The following GPR18 variants were observed in gnomAD, a reference collection of about 807,000 sequenced individuals.
GPR18 encodes N-arachidonyl glycine receptor.
A neutral mutation model predicts 22.8 loss-of-function variants in GPR18; 20 were observed. The observed-to-expected ratio is 0.88, with a 90% CI of 0.62 to 1.28. The LOEUF (loss-of-function observed/expected upper bound fraction) is 1.28. Ranked by LOEUF, GPR18 falls within the 50% of genes most tolerant of loss-of-function variation. The pLI is 0.00. For missense variants in GPR18, 379 were observed against 412.0 expected (o/e 0.92, Z 0.69); for synonymous variants, 160 against 155.3 (o/e 1.03, Z -0.22).
chr13:99,254,739 TAA>T lies in GPR18; in HGVS notation c.*136_*137del. On this transcript the variant is annotated 3_prime_UTR_variant, in exon 2 of 2. Transcript: ENST00000397470. ...GAATAATTCACAAAAATGTTTTATA[TAA>T]GTTTTTAAAATGAAGATAATGAATT... 1 of 671,902 alleles carries T rather than the reference TAA, an allele frequency of 1.5e-6. No homozygotes were observed. The highest frequency in any genetic ancestry group is 2.3e-5 in the South Asian group (1 of 43,686). The allele number at this position is 671,902 out of a possible 1,614,324, so 41.6% of individuals were successfully genotyped here. A position where few individuals can be genotyped will look rare whatever the true frequency, so the allele number is the denominator to read the frequency against.
At position 99,254,907 on chromosome 13, in the gene GPR18, T is replaced by C; in HGVS notation, c.966A>G (p.Ser322=). 6.2e-7 allele frequency: 1 copy of C among 1,613,910 alleles called. No homozygotes were observed. The highest frequency in any genetic ancestry group is 8.5e-7 in the Non-Finnish European group (1 of 1,179,858). ...ACATTTCACTGTTTATATTGCTTAG[T>C]GACCGTAGACTACCAGATCGGAAAC... ...RKSFRSGSLR[S]LSNINSEML is the part of the protein sequence containing the mutation. The change falls in exon 2 of 2, where the codon TCA becomes TCG. Residue 322 remains serine, a synonymous_variant. Transcript: ENST00000397470.
intron 1 of GPR18, chr13:99,256,488 G>T (rs1247190943): frequency 6.6e-6 from 1 of 152,060 alleles, no homozygotes; most frequent in Non-Finnish European, 1.5e-5. Context: ...GATTTCAGCT[G>T]CTCTACTTCA....
In GPR18 at chr13:99,255,124, A is replaced by G. The variant is rs1566470533; in HGVS notation, c.749T>C (p.Ile250Thr). 6.2e-6 allele frequency: 10 copies of G among 1,614,016 alleles called. No homozygotes were observed. The highest frequency in any genetic ancestry group is 3.3e-4 in the Middle Eastern group (2 of 6,084). ...QVLVCFMPFH[I>T]CFAFLMLGTG... ...TCCCAGCATCAGGAAAGCGAAACAG[A>G]TGTGGAAGGGCATAAAGCAGACGAG... The change falls in exon 2 of 2, where the codon ATC becomes ACC. Residue 250 changes from isoleucine to threonine, a missense_variant. Coordinates refer to ENST00000397470, the MANE Select transcript of GPR18 (RefSeq NM_001098200.2).
intron 1 of GPR18, 121 bp from the exon 2 acceptor site, chr13:99,256,027 C>T (rs968868972): frequency 1.3e-5 from 8 of 632,538 alleles, no homozygotes; most frequent in South Asian, 4.5e-5. Context: ...AATCAAGGAA[C>T]GATTCAACTG....
At position 99,255,222 on chromosome 13, in the gene GPR18, G is replaced by A. The variant is rs747716613; in HGVS notation, c.651C>T (p.Gly217=). ...YLVIIHNLLH[G]RTSKLKPKVK... Reference sequence around the variant, plus strand: ...CTTTGGGTTTCAGCTTAGACGTCCTGCCGTGAAGGAGATTATGAATAATGA... The same window carrying A: ...CTTTGGGTTTCAGCTTAGACGTCCTACCGTGAAGGAGATTATGAATAATGA... The change falls in exon 2 of 2, where the codon GGC becomes GGT. Residue 217 remains glycine (G), a synonymous_variant. Transcript: ENST00000397470. 4.3e-6 allele frequency: 7 copies of A among 1,613,976 alleles called. No individual in the cohort carries two copies. In the African/African-American group the frequency reaches 9.3e-5, roughly 22 times the overall value.
In GPR18 at chr13:99,254,944, A is replaced by T. The variant is rs756466021; in HGVS notation, c.929T>A (p.Met310Lys). ...VMLYRNYLRSMRRKSFRSGSL... is the reference protein window; with the variant it reads ...VMLYRNYLRSKRRKSFRSGSL... Reference sequence around the variant, plus strand: ...ACCAGATCGGAAACTTTTTCTGCGCATGCTTCGAAGGTAATTACGGTATAG... The same window carrying T: ...ACCAGATCGGAAACTTTTTCTGCGCTTGCTTCGAAGGTAATTACGGTATAG... The change falls in exon 2 of 2, where the codon ATG becomes AAG. Residue 310 changes from methionine (M) to lysine (K), a missense_variant. Met to Lys is a moderately conservative substitution (Grantham distance 95). Coordinates refer to ENST00000397470, the MANE Select transcript of GPR18 (RefSeq NM_001098200.2). 2.5e-6 allele frequency: 4 copies of T among 1,614,084 alleles called. No homozygotes were observed. The highest frequency in any genetic ancestry group is 1.6e-4 in the Middle Eastern group (1 of 6,062).
At chr13:99,257,770 A>G (rs968588260) in intron 1 of GPR18, among the ~76,000 whole-genome samples, 1 of 152,244 alleles carries the variant, frequency 6.6e-6, no homozygotes, top group Non-Finnish European at 1.5e-5. Flanking sequence ...ACATTCCTAA[A>G]TATACATATG....
Position 99,255,645 on chromosome 13 carries a change from G to A in GPR18, c.228C>T (p.Pro76=), listed in dbSNP as rs189039762. The change falls in exon 2 of 2, where the codon CCC becomes CCT. Residue 76 remains proline, a synonymous_variant. Transcript: ENST00000397470. Reference sequence around the variant, plus strand: ...CTTTTGCATAATAAAACATTCGAAAGGGTAAAGTCATTATAAATATCAAGT... The same window carrying A: ...CTTTTGCATAATAAAACATTCGAAAAGGTAAAGTCATTATAAATATCAAGT... ...LVDLIFIMTL[P]FRMFYYAKDE... is the part of the protein sequence containing the mutation. 1.6e-4 allele frequency: 263 copies of A among 1,614,028 alleles called. 2 individuals are homozygous for A. The highest frequency in any genetic ancestry group is 5.0e-5 in the Admixed American group (3 of 60,016).
intron 1 of GPR18, chr13:99,256,587 A>G (rs1320314666): frequency 6.6e-6 from 1 of 152,058 alleles, no homozygotes; most frequent in African/African-American, 2.4e-5. Flanking sequence ...AAGCTTCAAT[A>G]TTATTTAAAT....
In GPR18 at chr13:99,254,873, T is replaced by C. The variant is rs750822967; in HGVS notation, c.*4A>G. 3 of 1,601,132 alleles carry C rather than the reference T, an allele frequency of 1.9e-6. No individual in the cohort carries two copies. The highest frequency in any genetic ancestry group is 2.2e-5 in the South Asian group (2 of 89,092). Reference sequence around the variant, plus strand: ...ATGGGATTGAAATGAAAGAACCTTATTATTCATAACATTTCACTGTTTATA... The same window carrying C: ...ATGGGATTGAAATGAAAGAACCTTACTATTCATAACATTTCACTGTTTATA... On this transcript the variant is annotated 3_prime_UTR_variant, in exon 2 of 2. Transcript: ENST00000397470.
chr13:99,256,970 A>G lies in GPR18; in HGVS notation c.-34-1064T>C, dbSNP rs114283029. Among the ~76,000 whole-genome samples, 10 of 152,288 alleles carry G rather than the reference A, an allele frequency of 6.6e-5. No homozygotes were observed. The South Asian group carries it at 8.3e-4, about 13-fold the overall frequency. Reference sequence around the variant, plus strand: ...CCAGAATTTCTCTTTAAGGAAAACTATGGGGGAGATTTGCTGTCTGTGGTC... The same window carrying G: ...CCAGAATTTCTCTTTAAGGAAAACTGTGGGGGAGATTTGCTGTCTGTGGTC... On this transcript the variant is annotated intron_variant, in intron 1 of 1. Transcript: ENST00000397470.
chr13:99,256,806 T>C (rs1001124325), intron 1 of GPR18, among the ~76,000 whole-genome samples: 1 of 152,036 alleles, frequency 6.6e-6, no homozygotes, highest in Non-Finnish European at 1.5e-5. Flanking sequence ...TCCCCCATGA[T>C]GCAACACCAA....
At position 99,254,923 on chromosome 13, in the gene GPR18, G is replaced by C; in HGVS notation, c.950C>G (p.Ser317Cys). 6.2e-7 allele frequency: 1 copy of C among 1,614,050 alleles called. No homozygotes were observed. Among genetic ancestry groups the C allele is most frequent in the East Asian group, 2.2e-5 (1 of 44,882 alleles). ...LRSMRRKSFRSGSLRSLSNIN... is the reference protein window; with the variant it reads ...LRSMRRKSFRCGSLRSLSNIN... ...ATTGCTTAGTGACCGTAGACTACCA[G>C]ATCGGAAACTTTTTCTGCGCATGCT... is the stretch of plus-strand genomic sequence containing the variant. The change falls in exon 2 of 2, where the codon TCT becomes TGT. Residue 317 changes from serine (S) to cysteine (C), a missense_variant. Transcript: ENST00000397470.
chr13:99,255,225 G>C lies in GPR18; in HGVS notation c.648C>G (p.His216Gln). The change falls in exon 2 of 2, where the codon CAC (histidine) becomes CAG (glutamine). Residue 216 changes from histidine to glutamine, a missense_variant. By Grantham distance (24) the His-to-Gln change is conservative. Transcript: ENST00000397470. Reference protein sequence around the residue: ...CYLVIIHNLLHGRTSKLKPKV... With the variant: ...CYLVIIHNLLQGRTSKLKPKV... The stretch of plus-strand genomic sequence containing the variant: ...TGGGTTTCAGCTTAGACGTCCTGCC[G>C]TGAAGGAGATTATGAATAATGACCA... 1 of 1,614,062 alleles carries C rather than the reference G, an allele frequency of 6.2e-7. No homozygotes were observed. Among genetic ancestry groups the C allele is most frequent in the Non-Finnish European group, 8.5e-7 (1 of 1,180,006 alleles).
rs761669083 is a variant in GPR18, at chr13:99,255,588, C to G, written c.285G>C (p.Gln95His). 11 of 1,614,196 alleles carry G rather than the reference C, an allele frequency of 6.8e-6. No homozygotes were observed. Among genetic ancestry groups the G allele is most frequent in the Non-Finnish European group, 9.3e-6 (11 of 1,180,038 alleles). ...AAAACACTGTGAGAGCTCCAAGAAT[C>G]TGGCAGAAGTACTCTCCAAATGGCC... is the stretch of plus-strand genomic sequence containing the variant. ...DEWPFGEYFC[Q>H]ILGALTVFYP... Residue 95 changes from glutamine (Q) to histidine (H), a missense_variant, in exon 2 of 2, where the codon CAG becomes CAC. Coordinates refer to ENST00000397470, the MANE Select transcript of GPR18 (RefSeq NM_001098200.2).
In GPR18 at chr13:99,255,740, A is replaced by G. The variant is rs140539549; in HGVS notation, c.133T>C (p.Trp45Arg). The change falls in exon 2 of 2, where the codon TGG (tryptophan) becomes CGG (arginine). Residue 45 changes from tryptophan to arginine, a missense_variant. Trp to Arg is a moderately radical substitution (Grantham distance 101). Transcript: ENST00000397470. ...TTCTTGGTGGTACAACTGAAAACCC[A>G]TAATGCAGTGATGTTAACAAATAAT... The part of the protein sequence containing the change: ...IGLFVNITAL[W>R]VFSCTTKKRT... The G allele has an allele frequency of 2.5e-6, 4 of 1,614,128 alleles. No homozygotes were observed. The highest frequency in any genetic ancestry group is 2.2e-5 in the East Asian group (1 of 44,888).
At chr13:99,256,978 G>C (rs2043573065) in intron 1 of GPR18, among the ~76,000 whole-genome samples, 1 of 152,200 alleles carries the variant, frequency 6.6e-6, no homozygotes, top group Non-Finnish European at 1.5e-5. Context: ...CTATGGGGGA[G>C]ATTTGCTGTC....
rs2043545649 is a variant in GPR18 at position 99,255,878 on chromosome 13, A to C, written c.-6T>G. On this transcript the variant is annotated 5_prime_UTR_variant, in exon 2 of 2. Transcript: ENST00000397470. ...TGATTGTTCAGGGTGATCATTTTAC[A>C]GCTTGTTGGTAGGCATGATACTTAG... 1 of 1,540,832 alleles carries C rather than the reference A, an allele frequency of 6.5e-7. No individual in the cohort carries two copies. Among genetic ancestry groups the C allele is most frequent in the Non-Finnish European group, 8.7e-7 (1 of 1,147,228 alleles).
At chr13:99,255,972 C>T in intron 1 of GPR18, 66 bp from the exon 2 acceptor site, 2 of 1,170,812 alleles carry the variant, frequency 1.7e-6, no homozygotes, top group Non-Finnish European at 2.4e-6. Context: ...TTAACATTCT[C>T]CCACTCAGCT....
Sources: allele counts gnomAD v4.1 joint callset (sites outside exome capture counted in the v4.1 genomes callset), GRCh38; gene constraint gnomAD v4.1.1; transcripts MANE v1.5; gene names NCBI Gene and HGNC (gene_info 2026-07-23, HGNC 2026-07-21).